Variants in TECPR2 observed in about 807,000 individuals in gnomAD.
TECPR2 encodes tectonin beta-propeller repeat containing 2, also known as tectonin beta-propeller repeat-containing protein 2.
A neutral mutation model predicts 138.1 loss-of-function variants in TECPR2; 65 were observed. That is an observed-to-expected ratio of 0.47 (90% CI 0.39 to 0.58). The LOEUF (loss-of-function observed/expected upper bound fraction) is 0.58, where lower values mean the gene tolerates loss of function less well. Among genes scored for constraint, TECPR2 ranks in the 20% least tolerant of loss-of-function variants. The pLI, the probability that TECPR2 is intolerant of heterozygous loss-of-function variation, is 0.00. For synonymous variants in TECPR2, 746 were observed against 749.8 expected (o/e 0.99, Z 0.08); for missense variants, 1,553 against 1,824.5 (o/e 0.85, Z 2.71).
At chr14:102,399,474 T>C (rs908586704) in intron 2 of TECPR2, among the ~76,000 whole-genome samples, 11 of 152,020 alleles carry the variant, frequency 7.2e-5, no homozygotes, top group African/African-American at 2.7e-4. Context: ...CAAGAAATAC[T>C]CAAGTGAGTC....
At chr14:102,431,632 G>C (rs114834043) in intron 7 of TECPR2, among the ~76,000 whole-genome samples, 164 bp from the exon 8 acceptor site, 3 of 152,154 alleles carry the variant, frequency 2.0e-5, no homozygotes, top group Non-Finnish European at 4.4e-5. Flanking sequence ...GTGAGTCACC[G>C]TGCCCATCCT....
chr14:102,432,564 T>A (rs1448967396), intron 8 of TECPR2, among the ~76,000 whole-genome samples: 1 of 152,006 alleles, frequency 6.6e-6, no homozygotes, highest in Non-Finnish European at 1.5e-5. Context: ...CCCAGCGAAT[T>A]TTGTATTTTT....
At chr14:102,490,581 T>G (rs940108307) in intron 17 of TECPR2, among the ~76,000 whole-genome samples, 5 of 151,860 alleles carry the variant, frequency 3.3e-5, no homozygotes, top group African/African-American at 7.3e-5. Context: ...TGGCTCGGGG[T>G]CATGATTGCC....
At chr14:102,494,069 G>A (rs572863072) in intron 17 of TECPR2, among the ~76,000 whole-genome samples, 201 of 152,200 alleles carry the variant, frequency 1.3e-3, no homozygotes, top group African/African-American at 4.4e-3. Flanking sequence ...TGGTGCTTAC[G>A]TCCAATTGCC....
intron 1 of TECPR2, among the ~76,000 whole-genome samples, chr14:102,371,327 A>G (rs1021187295): frequency 6.6e-6 from 1 of 152,234 alleles, no homozygotes; most frequent in Non-Finnish European, 1.5e-5. Flanking sequence ...CTAGCGCAGG[A>G]CAGTGAGACA....
chr14:102,416,898 C>T (rs998029324), intron 5 of TECPR2, among the ~76,000 whole-genome samples: 2 of 152,158 alleles, frequency 1.3e-5, no homozygotes, highest in Non-Finnish European at 1.5e-5. Context: ...GCAGGAGAAT[C>T]GCTTGAACCG....
At position 102,440,549 on chromosome 14, in the gene TECPR2, G is replaced by A; in HGVS notation, c.2692G>A (p.Ala898Thr). 1.2e-6 allele frequency: 2 copies of A among 1,614,170 alleles called. No individual in the cohort carries two copies. Among genetic ancestry groups the A allele is most frequent in the Non-Finnish European group, 1.7e-6 (2 of 1,180,036 alleles). ...YEALPQAVFV[A>T]LSDDTAWIIR... ...AGCCCTGCCCCAGGCAGTGTTTGTGGCCCTGAGCGATGACACGGCCTGGAT... is the reference window on the plus strand; with the variant it reads ...AGCCCTGCCCCAGGCAGTGTTTGTGACCCTGAGCGATGACACGGCCTGGAT... Residue 898 changes from alanine (A) to threonine (T), a missense_variant, in exon 11 of 20, where the codon GCC (alanine) becomes ACC (threonine). By Grantham distance (58) the Ala-to-Thr change is moderately conservative (BLOSUM62 0). Transcript: ENST00000359520.
At chr14:102,442,482 A>G (rs1401857344) in intron 11 of TECPR2, among the ~76,000 whole-genome samples, 1 of 152,238 alleles carries the variant, frequency 6.6e-6, no homozygotes, top group African/African-American at 2.4e-5. Context: ...GTCAAGGCAC[A>G]TGCACATCTA....
chr14:102,498,848 C>A lies in TECPR2; in HGVS notation c.*591C>A. 1 of 633,274 alleles carries A rather than the reference C, an allele frequency of 1.6e-6. No individual in the cohort carries two copies. The highest frequency in any genetic ancestry group is 1.5e-5 in the South Asian group (1 of 65,692). The allele number at this position is 633,274 out of a possible 1,614,324, so 39.2% of individuals were successfully genotyped here. A position where few individuals can be genotyped will look rare whatever the true frequency, so the allele number is the denominator to read the frequency against. ...GCTGGCCATGCCAGGAGAGAACCCACGCACATGCACACCACAACACACAAC... is the reference window on the plus strand; with the variant it reads ...GCTGGCCATGCCAGGAGAGAACCCAAGCACATGCACACCACAACACACAAC... On this transcript the variant is annotated 3_prime_UTR_variant, in exon 20 of 20. Transcript: ENST00000359520.
At chr14:102,384,873 T>G (rs1887954139) in intron 2 of TECPR2, among the ~76,000 whole-genome samples, 1 of 131,012 alleles carries the variant, frequency 7.6e-6, no homozygotes, top group Non-Finnish European at 1.6e-5. Context: ...TTTTTTTTTT[T>G]GAGACAGAGT....
chr14:102,427,775 G>A (rs561970791), intron 6 of TECPR2, among the ~76,000 whole-genome samples: 1 of 152,356 alleles, frequency 6.6e-6, no homozygotes, highest in East Asian at 1.9e-4. Context: ...TCAAGCGGAA[G>A]TTTGGATGAG....
chr14:102,460,009 G>T (rs1353695117), intron 16 of TECPR2, among the ~76,000 whole-genome samples: 1 of 152,116 alleles, frequency 6.6e-6, no homozygotes, highest in East Asian at 1.9e-4. Context: ...GGTGGCTCAC[G>T]CTTGTAATCC....
rs541549767 is a variant in TECPR2, at chr14:102,450,641, C to A, written c.3398C>A (p.Thr1133Lys). The change falls in exon 15 of 20, where the codon ACG (threonine) becomes AAG (lysine). Residue 1133 changes from threonine (T) to lysine (K), a missense_variant. Physicochemically the swap from Thr to Lys is moderately conservative, Grantham distance 78 (BLOSUM62 -1). Transcript: ENST00000359520. ...TTTGTGTTGGCTTCTGCAGCTCCCACGAAGGAAGGTGGGTCAGTCTTAGCC... is the reference window on the plus strand; with the variant it reads ...TTTGTGTTGGCTTCTGCAGCTCCCAAGAAGGAAGGTGGGTCAGTCTTAGCC... ...WAFVLASAAP[T>K]KEGSFLWLCQ... 1 of 1,614,118 alleles carries A rather than the reference C, an allele frequency of 6.2e-7. No individual in the cohort carries two copies. The highest frequency in any genetic ancestry group is 1.1e-5 in the South Asian group (1 of 91,068).
intron 2 of TECPR2, among the ~76,000 whole-genome samples, chr14:102,395,950 G>T (rs1888303303): frequency 1.3e-5 from 2 of 152,172 alleles, no homozygotes; most frequent in Non-Finnish European, 2.9e-5. Flanking sequence ...TGTGGGGCAG[G>T]TAGATTATGG....
At chr14:102,482,540 C>T (rs1388760518) in intron 17 of TECPR2, among the ~76,000 whole-genome samples, 5 of 152,222 alleles carry the variant, frequency 3.3e-5, no homozygotes, top group East Asian at 1.9e-4. Flanking sequence ...GTTGTCCTAG[C>T]GTCACCTTTG....
chr14:102,381,591 C>T (rs567383194), intron 2 of TECPR2, among the ~76,000 whole-genome samples: 11 of 152,178 alleles, frequency 7.2e-5, no homozygotes, highest in Admixed American at 7.2e-4. Context: ...AAATGAAGTT[C>T]TGAGAGAATT....
At chr14:102,438,285 T>A (rs1889735826) in intron 10 of TECPR2, 80 bp downstream of exon 10, 5 of 1,493,128 alleles carry the variant, frequency 3.3e-6, no homozygotes, top group Non-Finnish European at 4.5e-6. Context: ...GCAGACATCT[T>A]AGTACAGGGC....
At chr14:102,490,628 G>T (rs1446392196) in intron 17 of TECPR2, among the ~76,000 whole-genome samples, 1 of 152,156 alleles carries the variant, frequency 6.6e-6, no homozygotes, top group Non-Finnish European at 1.5e-5. Flanking sequence ...CCCCGGCCTG[G>T]CGTCTGCTCT....
intron 17 of TECPR2, among the ~76,000 whole-genome samples, chr14:102,481,705 G>T (rs1054443056): frequency 4.6e-5 from 7 of 152,206 alleles, no homozygotes; most frequent in African/African-American, 1.7e-4. Flanking sequence ...TGCCAATTTT[G>T]CCCTCTCTGG....
Sources: gnomAD v4.1 joint callset for allele counts (sites outside exome capture counted in the v4.1 genomes callset) on GRCh38, gnomAD v4.1.1 for gene constraint, MANE v1.5 for transcripts, NCBI Gene and HGNC (gene_info 2026-07-23, HGNC 2026-07-21) for gene names.